Variants in OSBP observed in about 807,000 individuals in gnomAD.
The protein encoded by OSBP is oxysterol binding protein.
OSBP carries 32 observed loss-of-function variants against 96.6 expected under a neutral mutation model. That is an observed-to-expected ratio of 0.33 (90% CI 0.25 to 0.45). The LOEUF (loss-of-function observed/expected upper bound fraction) is 0.45, where lower values mean the gene tolerates loss of function less well. Ranked by LOEUF, OSBP falls within the 20% of genes least tolerant of loss-of-function variation. The pLI is 1.00. For synonymous variants in OSBP, 369 were observed against 389.6 expected, an observed-to-expected ratio of 0.95 and a Z score of 0.62; for missense variants, 653 against 1,029.7, an observed-to-expected ratio of 0.63 and a Z score of 5.01.
In OSBP at chr11:59,577,018, C is replaced by T. The variant is rs1282588011; in HGVS notation, c.2068G>A (p.Ala690Thr). The T allele has an allele frequency of 6.2e-7, 1 of 1,611,228 alleles. No homozygotes were observed. The highest frequency in any genetic ancestry group is 8.5e-7 in the Non-Finnish European group (1 of 1,179,088). Residue 690 changes from alanine to threonine, a missense_variant, in exon 13 of 14, where the codon GCA becomes ACA. Coordinates refer to ENST00000263847, the MANE Select transcript of OSBP (RefSeq NM_002556.3). ...LWKRNPLPKN[A>T]ENMYYFSELA... is the part of the protein sequence containing the mutation. ...TCTGAGAAGTAGTACATGTTTTCTG[C>T]ATTCTTCCTAAAAGTAGAAGACAAG... is the stretch of plus-strand genomic sequence containing the variant.
chr11:59,612,642 T>C (rs751470847), intron 1 of OSBP, among the ~76,000 whole-genome samples: 10 of 152,322 alleles, frequency 6.6e-5, no homozygotes, highest in Non-Finnish European at 2.9e-5. Flanking sequence ...GATACACTTA[T>C]GATTATAAAT....
At chr11:59,586,716 A>G (rs1860503756) in intron 9 of OSBP, among the ~76,000 whole-genome samples, 1 of 152,234 alleles carries the variant, frequency 6.6e-6, no homozygotes, top group African/African-American at 2.4e-5. Context: ...GAATAGAACA[A>G]AGAGCCCAGA....
chr11:59,576,860 T>C lies in OSBP; in HGVS notation c.2226A>G (p.Lys742=), dbSNP rs1380076059. Residue 742 remains lysine (K), a synonymous_variant, in exon 13 of 14, where the codon AAA becomes AAG. Transcript: ENST00000263847. ...CTCTCTTCTTTCTGGAAAGTCTTTG[T>C]TTTTCCTCCAGGCGCTGCTTCTCCG... ...ANAEKQRLEE[K]QRLSRKKREA... The C allele has an allele frequency of 1.2e-6, 2 of 1,614,192 alleles. No individual in the cohort carries two copies. Among genetic ancestry groups the C allele is most frequent in the Non-Finnish European group, 1.7e-6 (2 of 1,180,030 alleles).
In OSBP at chr11:59,608,667, G is replaced by T. The variant is rs143413617; in HGVS notation, c.639C>A (p.Thr213=). ...TCAAGTCCTCTACTTTGCTAGAGAG[G>T]GTCCGAAGGGTATTCTGCAGCTCAG... ...DKTELQNTLR[T]LSSKVEDLST... is the part of the protein sequence containing the mutation. Residue 213 remains threonine (T), a synonymous_variant, in exon 3 of 14, where the codon ACC becomes ACA. Transcript: ENST00000263847. 54 of 1,613,898 alleles carry T rather than the reference G, an allele frequency of 3.3e-5. No homozygotes were observed. In the East Asian group the frequency reaches 1.2e-3, roughly 35 times the overall value.
intron 9 of OSBP, among the ~76,000 whole-genome samples, chr11:59,582,505 G>A (rs997075719): frequency 1.1e-4 from 17 of 152,156 alleles, no homozygotes; most frequent in African/African-American, 3.6e-4. Flanking sequence ...CTCACCCTAC[G>A]GGTCCCTTCA....
chr11:59,580,476 T>C (rs1860407434), intron 10 of OSBP, among the ~76,000 whole-genome samples: 1 of 152,198 alleles, frequency 6.6e-6, no homozygotes, highest in Admixed American at 6.5e-5. Context: ...TCCACTTGTT[T>C]TGAATTGTAT....
In OSBP at chr11:59,610,392, A is replaced by G. The variant is rs1458328975; in HGVS notation, c.560T>C (p.Leu187Pro). 2 of 1,613,050 alleles carry G rather than the reference A, an allele frequency of 1.2e-6. No homozygotes were observed. Among genetic ancestry groups the G allele is most frequent in the Admixed American group, 1.7e-5 (1 of 60,032 alleles). The change falls in exon 2 of 14, where the codon CTG (leucine) becomes CCG (proline). Residue 187 changes from leucine to proline, a missense_variant. By Grantham distance (98) the Leu-to-Pro change is moderately conservative. Transcript: ENST00000263847. ...ELAKAKAVKMLAESDESGDEE... is the reference protein window; with the variant it reads ...ELAKAKAVKMPAESDESGDEE... ...TCTTTGTTCCTGACCTGACTCTGCCAGCATCTTCACAGCTTTGGCCTTGGC... is the reference window on the plus strand; with the variant it reads ...TCTTTGTTCCTGACCTGACTCTGCCGGCATCTTCACAGCTTTGGCCTTGGC...
intron 12 of OSBP, among the ~76,000 whole-genome samples, chr11:59,577,545 T>C (rs1002878710): frequency 3.9e-5 from 6 of 152,174 alleles, no homozygotes; most frequent in Non-Finnish European, 8.8e-5. Flanking sequence ...TAGGCTGGAG[T>C]GCAGTGGCAT....
intron 1 of OSBP, among the ~76,000 whole-genome samples, chr11:59,611,796 T>C (rs971976863): frequency 2.0e-5 from 3 of 152,228 alleles, no homozygotes; most frequent in Non-Finnish European, 2.9e-5. Context: ...GTTCTATTAA[T>C]AGACTAACTT....
At chr11:59,599,789 G>A (rs1299020471) in intron 7 of OSBP, among the ~76,000 whole-genome samples, 1 of 152,222 alleles carries the variant, frequency 6.6e-6, no homozygotes, top group Non-Finnish European at 1.5e-5. Flanking sequence ...CTGAGGGAAA[G>A]GACAGGATGC....
intron 3 of OSBP, among the ~76,000 whole-genome samples, chr11:59,603,529 GTTTTTTT>G (rs370609645): frequency 2.5e-4 from 22 of 86,764 alleles, no homozygotes; most frequent in Middle Eastern, 9.6e-3. Context: ...ATCACCTTCA[GTTTTTTT>G]TTTTTTTTTT....
chr11:59,611,619 A>T (rs890987460), intron 1 of OSBP, among the ~76,000 whole-genome samples: 5 of 152,234 alleles, frequency 3.3e-5, no homozygotes, highest in African/African-American at 1.2e-4. Context: ...GGAAGTAAAA[A>T]GGAATCACCA....
Position 59,575,179 on chromosome 11 carries a change from G to T in OSBP, c.*1398C>A, listed in dbSNP as rs1860347057. The T allele has an allele frequency of 6.6e-6, 1 of 152,156 alleles. No homozygotes were observed. The allele number at this position is 152,156 out of a possible 1,614,324, so 9.4% of individuals were successfully genotyped here. ...CGCCGGACAGAGCAGAATTAAATTGGAAGTTGCCCTCCGGACTTTCTACCC... is the reference window on the plus strand; with the variant it reads ...CGCCGGACAGAGCAGAATTAAATTGTAAGTTGCCCTCCGGACTTTCTACCC... On this transcript the variant is annotated 3_prime_UTR_variant, in exon 14 of 14. Transcript: ENST00000263847.
At chr11:59,591,371 T>C in intron 9 of OSBP, among the ~76,000 whole-genome samples, 1 of 152,168 alleles carries the variant, frequency 6.6e-6, no homozygotes, top group East Asian at 1.9e-4. Flanking sequence ...ATGAATACTC[T>C]TCCTTTGGTA....
Position 59,602,515 on chromosome 11 carries a change from T to G in OSBP, c.823-677A>C, listed in dbSNP as rs190064955. Among the ~76,000 whole-genome samples, 5 of 152,322 alleles carry G rather than the reference T, an allele frequency of 3.3e-5. 1 individual carries two copies. The East Asian group carries it at 9.6e-4, about 29-fold the overall frequency. On this transcript the variant is annotated intron_variant, in intron 3 of 13. Transcript: ENST00000263847. ...CCCCACTAACATGAGGATCAAATAC[T>G]AACTACTGGTTATGAACATAAAGAG... is the stretch of plus-strand genomic sequence containing the variant.
intron 1 of OSBP, 42 bp downstream of exon 1, chr11:59,615,261 T>C (rs1219481390): frequency 1.7e-5 from 25 of 1,509,002 alleles, no homozygotes; most frequent in African/African-American, 4.2e-5. Flanking sequence ...TTGGCAGATA[T>C]GGGGGAGGCA....
chr11:59,599,465 T>TA (rs1860693809), intron 7 of OSBP, among the ~76,000 whole-genome samples: 1 of 152,246 alleles, frequency 6.6e-6, no homozygotes, highest in Admixed American at 6.5e-5. Context: ...ATTTGTTTCT[T>TA]TAATAAATTG....
chr11:59,605,162 G>A (rs932816136), intron 3 of OSBP, among the ~76,000 whole-genome samples: 1 of 151,520 alleles, frequency 6.6e-6, no homozygotes, highest in Non-Finnish European at 1.5e-5. Context: ...CAAAAAAAAA[G>A]AAAAAAATTA....
At chr11:59,587,091 T>C (rs1050582299) in intron 9 of OSBP, among the ~76,000 whole-genome samples, 3 of 152,100 alleles carry the variant, frequency 2.0e-5, no homozygotes, top group Non-Finnish European at 2.9e-5. Context: ...ATGTAGCCTC[T>C]AGAAATTGGA....
Sources: allele counts gnomAD v4.1 joint callset (sites outside exome capture counted in the v4.1 genomes callset), GRCh38; gene constraint gnomAD v4.1.1; transcripts MANE v1.5; gene names NCBI Gene and HGNC (gene_info 2026-07-23, HGNC 2026-07-21).